The following PACRG variants were observed in gnomAD, a reference collection of about 807,000 sequenced individuals.
PACRG encodes parkin coregulated.
Under a neutral mutation model 29.7 loss-of-function variants are expected in PACRG, and 29 were observed. The ratio of observed to expected loss-of-function variants is 0.98; its 90% CI spans 0.73 to 1.33. The LOEUF is 1.33. PACRG is among the 40% of genes most tolerant of loss of function. The pLI is 0.00. For synonymous variants in PACRG, 116 were observed against 118.7 expected (o/e 0.98, Z 0.15); for missense variants, 279 against 316.2 (o/e 0.88, Z 0.89).
At chr6:162,957,951 C>T (rs923253102) in intron 2 of PACRG, among the ~76,000 whole-genome samples, 3 of 151,996 alleles carry the variant, frequency 2.0e-5, no homozygotes, top group South Asian at 2.1e-4. Flanking sequence ...GAATTTCTAT[C>T]GATGATACTT....
chr6:163,261,642 G>A (rs950272307), intron 4 of PACRG, among the ~76,000 whole-genome samples: 2 of 152,212 alleles, frequency 1.3e-5, no homozygotes, highest in Non-Finnish European at 2.9e-5. Flanking sequence ...CCTGCTGGCC[G>A]GGGGCTCCAC....
chr6:163,009,983 A>G (rs2128209417), intron 2 of PACRG, among the ~76,000 whole-genome samples: 1 of 152,346 alleles, frequency 6.6e-6, no homozygotes, highest in Admixed American at 6.5e-5. Flanking sequence ...AAATGTGCAG[A>G]TTCAAAGGAA....
intron 2 of PACRG, among the ~76,000 whole-genome samples, chr6:163,037,886 G>T (rs574283180): frequency 1.3e-4 from 20 of 152,244 alleles, no homozygotes; most frequent in African/African-American, 4.3e-4. Context: ...ACTCCAACTA[G>T]GAAGACAAAG....
rs191969657 is a variant in PACRG at position 162,844,793 on chromosome 6, A to C, written c.291+30512A>C. On this transcript the variant is annotated intron_variant, in intron 2 of 4. Transcript: ENST00000366888. Reference sequence around the variant, plus strand: ...CATTGTCTGCTGTTAAACATCTTAAAATGGTTATTTCTTATATTTTCTCCA... The same window carrying C: ...CATTGTCTGCTGTTAAACATCTTAACATGGTTATTTCTTATATTTTCTCCA... Among the ~76,000 whole-genome samples the C allele has an allele frequency of 3.0e-3, 458 of 152,296 alleles. 2 individuals are homozygous for C. Among genetic ancestry groups the C allele is most frequent in the Non-Finnish European group, 3.7e-3 (249 of 68,028 alleles).
intron 2 of PACRG, among the ~76,000 whole-genome samples, chr6:162,946,222 C>T (rs1798994799): frequency 6.7e-6 from 1 of 149,870 alleles, no homozygotes; most frequent in African/African-American, 2.5e-5. Context: ...TAAAGATCAA[C>T]AAAATCAATA....
intron 1 of PACRG, among the ~76,000 whole-genome samples, chr6:162,758,295 G>GAT (rs769133451): frequency 2.6e-5 from 4 of 152,080 alleles, no homozygotes; most frequent in South Asian, 4.2e-4. Flanking sequence ...AGACTCTAGT[G>GAT]ATATATATAT....
intron 4 of PACRG, among the ~76,000 whole-genome samples, chr6:163,195,968 C>G (rs953381619): frequency 1.1e-4 from 16 of 152,174 alleles, no homozygotes; most frequent in African/African-American, 3.9e-4. Context: ...GCGCAGCTCC[C>G]TCTTGCTCTT....
intron 4 of PACRG, among the ~76,000 whole-genome samples, chr6:163,308,066 TTAATC>T (rs1785256957): frequency 6.6e-6 from 1 of 152,202 alleles, no homozygotes; most frequent in African/African-American, 2.4e-5. Context: ...TGGTGACAAT[TTAATC>T]TAGGTATTGA....
intron 3 of PACRG, among the ~76,000 whole-genome samples, chr6:163,064,085 CTT>C (rs34392826): frequency 3.5e-5 from 5 of 144,908 alleles, no homozygotes; most frequent in Non-Finnish European, 3.1e-5. Context: ...GACATATATC[CTT>C]TTTTTTTTTT....
intron 4 of PACRG, among the ~76,000 whole-genome samples, chr6:163,100,553 G>A (rs778355948): frequency 1.9e-4 from 29 of 152,144 alleles, no homozygotes; most frequent in Non-Finnish European, 4.4e-5. Flanking sequence ...AGTTCCCCGC[G>A]ACTCTTTAAG....
At chr6:162,971,693 A>G (rs895376816) in intron 2 of PACRG, among the ~76,000 whole-genome samples, 3 of 152,232 alleles carry the variant, frequency 2.0e-5, no homozygotes, top group Non-Finnish European at 4.4e-5. Flanking sequence ...AATCTTATGG[A>G]ATAAGGTTTT....
chr6:162,824,722 AATGGGAAAGAC>A (rs1788134592), intron 2 of PACRG, among the ~76,000 whole-genome samples: 1 of 152,158 alleles, frequency 6.6e-6, no homozygotes, highest in Admixed American at 6.5e-5. Flanking sequence ...GAGTACTTAT[AATGGGAAAGAC>A]ATGGTGCTGA....
intron 4 of PACRG, among the ~76,000 whole-genome samples, chr6:163,250,490 T>C (rs1256405876): frequency 6.6e-6 from 1 of 152,264 alleles, no homozygotes. Context: ...TTTGCTGAAT[T>C]CTTTTATCAG....
At chr6:163,228,780 A>T (rs952780465) in intron 4 of PACRG, among the ~76,000 whole-genome samples, 3 of 152,212 alleles carry the variant, frequency 2.0e-5, no homozygotes, top group Non-Finnish European at 4.4e-5. Flanking sequence ...AGTGACCAAC[A>T]TTTGGACACA....
At chr6:163,085,831 A>G (rs1222573660) in intron 3 of PACRG, among the ~76,000 whole-genome samples, 2 of 152,190 alleles carry the variant, frequency 1.3e-5, no homozygotes, top group Non-Finnish European at 2.9e-5. Flanking sequence ...TACTTGTTTA[A>G]TATCTTTTTC....
At chr6:163,285,811 A>G (rs1784382748) in intron 4 of PACRG, among the ~76,000 whole-genome samples, 1 of 152,198 alleles carries the variant, frequency 6.6e-6, no homozygotes, top group South Asian at 2.1e-4. Context: ...GACAGCATCT[A>G]GCAAAGAACA....
chr6:163,038,933 C>T (rs916109700), intron 2 of PACRG, among the ~76,000 whole-genome samples: 5 of 152,048 alleles, frequency 3.3e-5, no homozygotes, highest in African/African-American at 1.2e-4. Flanking sequence ...ACTACTAGTC[C>T]TGAATAGAAA....
chr6:162,830,135 T>C (rs1788625527), intron 2 of PACRG, among the ~76,000 whole-genome samples: 1 of 152,134 alleles, frequency 6.6e-6, no homozygotes, highest in Non-Finnish European at 1.5e-5. Context: ...CCTCACTTTA[T>C]AGCAACACCG....
intron 1 of PACRG, among the ~76,000 whole-genome samples, chr6:162,739,944 C>T (rs999027300): frequency 6.6e-6 from 1 of 151,418 alleles, no homozygotes; most frequent in African/African-American, 2.4e-5. Context: ...AATGTTCACA[C>T]ATACATTGTT....
Sources: gnomAD v4.1 joint callset for allele counts (sites outside exome capture counted in the v4.1 genomes callset) on GRCh38, gnomAD v4.1.1 for gene constraint, MANE v1.5 for transcripts, NCBI Gene and HGNC (gene_info 2026-07-23, HGNC 2026-07-21) for gene names.